Variants in ITGAX observed in about 807,000 individuals in gnomAD.
ITGAX encodes the protein integrin subunit alpha X.
A neutral mutation model predicts 140.2 loss-of-function variants in ITGAX; 99 were observed. The observed-to-expected ratio is 0.71, with a 90% confidence interval of 0.60 to 0.83. The LOEUF (loss-of-function observed/expected upper bound fraction) is 0.83, where lower values mean the gene tolerates loss of function less well. ITGAX is among the 40% of genes least tolerant of loss of function. ITGAX has a pLI of 0.00. For synonymous variants in ITGAX, 631 were observed against 600.4 expected (o/e 1.05, Z -0.75); for missense variants, 1,444 against 1,482.0 (o/e 0.97, Z 0.42).
Position 31,377,000 on chromosome 16 carries a change from A to G in ITGAX, c.2626A>G (p.Ile876Val). The G allele has an allele frequency of 2.5e-6, 4 of 1,613,992 alleles. No homozygotes were observed. The highest frequency in any genetic ancestry group is 3.4e-6 in the Non-Finnish European group (4 of 1,179,978). ...TGACCTCTCAGTTCCTTTTCCTCAG[A>G]TCACCTTCTTGGCTACCTTTGACGT... ...NHLIFRGGAQ[I>V]TFLATFDVSP... The change falls in exon 22 of 30, where the codon ATC (isoleucine) becomes GTC (valine). Residue 876 changes from isoleucine to valine, a missense_variant and splice_region_variant. Transcript: ENST00000268296.
At chr16:31,355,829 G>A (rs2080753291) in intron 1 of ITGAX, 64 bp from the exon 2 acceptor site, 2 of 1,290,734 alleles carry the variant, frequency 1.5e-6, no homozygotes, top group Non-Finnish European at 2.2e-6. Context: ...TGGGGCCGGG[G>A]GTGGAGGGCA....
At chr16:31,361,255 G>T in intron 9 of ITGAX, 42 bp downstream of exon 9, 1 of 1,572,222 alleles carries the variant, frequency 6.4e-7, no homozygotes, top group Non-Finnish European at 8.6e-7. Context: ...ATCCTCAGCC[G>T]TTAACACCTT....
chr16:31,372,380 C>A lies in ITGAX; in HGVS notation c.2163C>A (p.Ser721Arg). 1 of 1,602,438 alleles carries A rather than the reference C, an allele frequency of 6.2e-7. No homozygotes were observed. The highest frequency in any genetic ancestry group is 1.1e-5 in the South Asian group (1 of 89,692). Residue 721 changes from serine (S) to arginine (R), a missense_variant and splice_region_variant, in exon 18 of 30, where the codon AGC (serine) becomes AGA (arginine). Ser to Arg is a moderately radical substitution (Grantham distance 110). Transcript: ENST00000268296. ...TCCCCGCGACGCCCGTCCCCCAGAG[C>A]TGCGTGGAGGACTCTGTGACCCCCA... The part of the protein sequence containing the change: ...HCENFNLLLP[S>R]CVEDSVTPIT...
chr16:31,373,401 T>C lies in ITGAX; in HGVS notation c.2508+11T>C, dbSNP rs527923311. The C allele has an allele frequency of 2.7e-5, 44 of 1,606,436 alleles. No homozygotes were observed. Among genetic ancestry groups the C allele is most frequent in the Non-Finnish European group, 3.7e-5 (44 of 1,176,264 alleles). ...GTGGCAGAGGGCCAGGTGCACCCTC[T>C]GGGGAAGGAGGAGGAGGCAGGGCTG... On this transcript the variant is annotated intron_variant, in intron 20 of 29. Coordinates refer to ENST00000268296, the MANE Select transcript of ITGAX (RefSeq NM_000887.5).
chr16:31,374,315 TA>T (rs1728570884), intron 20 of ITGAX, among the ~76,000 whole-genome samples: 1 of 152,158 alleles, frequency 6.6e-6, no homozygotes, highest in South Asian at 2.1e-4. Flanking sequence ...ATGAAAAATT[TA>T]AAACATTTAC....
chr16:31,361,521 AC>A (rs1379590316), intron 9 of ITGAX: 1 of 676,252 alleles, frequency 1.5e-6, no homozygotes, highest in Non-Finnish European at 2.6e-6. Flanking sequence ...ACCGGGCCCT[AC>A]CCAGCCCACA....
At chr16:31,373,935 T>C (rs192814260) in intron 20 of ITGAX, among the ~76,000 whole-genome samples, 98 of 152,376 alleles carry the variant, frequency 6.4e-4, no homozygotes, top group Non-Finnish European at 1.8e-4. Context: ...TGCCAATCCC[T>C]GCTTTAAAAT....
chr16:31,359,729 T>C lies in ITGAX; in HGVS notation c.460T>C (p.Phe154Leu), dbSNP rs1567295671. The C allele has an allele frequency of 6.2e-7, 1 of 1,614,144 alleles. No homozygotes were observed. Among genetic ancestry groups the C allele is most frequent in the Non-Finnish European group, 8.5e-7 (1 of 1,180,012 alleles). Residue 154 changes from phenylalanine to leucine, a missense_variant, in exon 6 of 30, where the codon TTC (phenylalanine) becomes CTC (leucine). By Grantham distance (22) the Phe-to-Leu change is conservative (BLOSUM62 0). Coordinates refer to ENST00000268296, the MANE Select transcript of ITGAX (RefSeq NM_000887.5). ...CCCAAGACAGGAGCAGGACATTGTG[T>C]TCCTGATCGATGGCTCAGGCAGCAT... ...ECPRQEQDIV[F>L]LIDGSGSISS...
At chr16:31,381,618 G>A (rs754064692) in intron 29 of ITGAX, among the ~76,000 whole-genome samples, 185 bp from the exon 30 acceptor site, 3 of 152,114 alleles carry the variant, frequency 2.0e-5, no homozygotes, top group Non-Finnish European at 4.4e-5. Flanking sequence ...AACAGAGTGA[G>A]ACTCCATCTC....
At chr16:31,369,519 G>A (rs1237693308) in intron 14 of ITGAX, among the ~76,000 whole-genome samples, 1 of 152,206 alleles carries the variant, frequency 6.6e-6, no homozygotes, top group East Asian at 1.9e-4. Flanking sequence ...CTTATTTTAG[G>A]AAATTGCCAT....
In ITGAX at chr16:31,375,534, T is replaced by C. The variant is rs148257791; in HGVS notation, c.2509-1265T>C. On this transcript the variant is annotated intron_variant, in intron 20 of 29. Transcript: ENST00000268296. ...GAACAGACAAAGACACACTCTATAG[T>C]TCTGAACAATGAGGACCTCTTATAT... 1.4e-3 allele frequency among the ~76,000 whole-genome samples: 218 copies of C among 152,340 alleles called. 4 individuals carry two copies. In the East Asian group the frequency reaches 0.038, roughly 27 times the overall value.
intron 14 of ITGAX, among the ~76,000 whole-genome samples, chr16:31,367,182 A>C (rs2080900978): frequency 1.3e-5 from 2 of 152,228 alleles, no homozygotes; most frequent in African/African-American, 4.8e-5. Context: ...GGTGGAAGTC[A>C]GCAGGGTTCA....
chr16:31,369,516 T>C (rs1255702793), intron 14 of ITGAX, among the ~76,000 whole-genome samples: 2 of 152,218 alleles, frequency 1.3e-5, no homozygotes, highest in East Asian at 3.9e-4. Flanking sequence ...GGTCTTATTT[T>C]AGGAAATTGC....
chr16:31,362,562 T>G (rs776602588), intron 11 of ITGAX, 49 bp from the exon 12 acceptor site: 2 of 1,570,400 alleles, frequency 1.3e-6, no homozygotes, highest in Non-Finnish European at 1.7e-6. Flanking sequence ...GGTCCAGGGT[T>G]CTGGGGAGGG....
At position 31,371,716 on chromosome 16, in the gene ITGAX, C is replaced by T. The variant is rs377256876; in HGVS notation, c.2092C>T (p.Arg698Trp). ...TGCCACCTTCCAGGAAACAAAGAAC[C>T]GGAGTCTGAGCCGAGTCCGAGTCCT... Reference protein sequence around the residue: ...PRATFQETKNRSLSRVRVLGL... With the variant: ...PRATFQETKNWSLSRVRVLGL... The change falls in exon 17 of 30, where the codon CGG becomes TGG. Residue 698 changes from arginine (R) to tryptophan (W), a missense_variant. Transcript: ENST00000268296. 25 of 1,614,004 alleles carry T rather than the reference C, an allele frequency of 1.5e-5. No individual in the cohort carries two copies. The highest frequency in any genetic ancestry group is 6.7e-5 in the East Asian group (3 of 44,878).
Position 31,382,614 on chromosome 16 carries a change from A to T in ITGAX, c.*707A>T. The T allele has an allele frequency of 1.4e-6, 1 of 701,678 alleles. No individual in the cohort carries two copies. Among genetic ancestry groups the T allele is most frequent in the Non-Finnish European group, 2.6e-6 (1 of 387,472 alleles). The allele number at this position is 701,678 out of a possible 1,614,324, so 43.5% of individuals were successfully genotyped here. ...GTTTCCAGTGAATTAGTGTCATGTC[A>T]GCATCAGCTCAGGGCTTCATCGTGG... On this transcript the variant is annotated 3_prime_UTR_variant, in exon 30 of 30. Transcript: ENST00000268296.
intron 23 of ITGAX, among the ~76,000 whole-genome samples, chr16:31,379,127 C>T (rs1322250335): frequency 6.6e-6 from 1 of 150,778 alleles, no homozygotes; most frequent in Admixed American, 6.6e-5. Flanking sequence ...TAAACTCTCT[C>T]TCTCTGTTTT....
At chr16:31,368,159 T>A (rs1165846400) in intron 14 of ITGAX, among the ~76,000 whole-genome samples, 1 of 151,578 alleles carries the variant, frequency 6.6e-6, no homozygotes, top group Non-Finnish European at 1.5e-5. Flanking sequence ...GTTTTTTTTT[T>A]TTTTCAGATG....
chr16:31,363,036 C>T lies in ITGAX; in HGVS notation c.1461C>T (p.Thr487=), dbSNP rs374910232. The T allele has an allele frequency of 1.7e-5, 27 of 1,611,608 alleles. No homozygotes were observed. Among genetic ancestry groups the T allele is most frequent in the Non-Finnish European group, 2.0e-5 (24 of 1,179,626 alleles). ...GGGCCCCCCATTACTACGAGCAGAC[C>T]CGAGGGGGCCAGGTGTCTGTGTGTC... ...LIGAPHYYEQ[T]RGGQVSVCPL... is the part of the protein sequence containing the mutation. The change falls in exon 13 of 30, where the codon ACC becomes ACT. Residue 487 remains threonine, a synonymous_variant. Coordinates refer to ENST00000268296, the MANE Select transcript of ITGAX (RefSeq NM_000887.5).
Sources: gnomAD v4.1 joint callset for allele counts (sites outside exome capture counted in the v4.1 genomes callset) on GRCh38, gnomAD v4.1.1 for gene constraint, MANE v1.5 for transcripts, NCBI Gene and HGNC (gene_info 2026-07-23, HGNC 2026-07-21) for gene names.